The following NPC1 variants were observed in gnomAD, a reference collection of about 807,000 sequenced individuals.
NPC1 encodes the protein Niemann-Pick C1 protein.
In NPC1, 85 loss-of-function variants were observed where a neutral mutation model predicts 140.4. The ratio of observed to expected loss-of-function variants is 0.61; its 90% CI spans 0.51 to 0.72. The LOEUF (loss-of-function observed/expected upper bound fraction) is 0.72, where lower values mean the gene tolerates loss of function less well. NPC1 is among the 30% of genes least tolerant of loss of function. The probability of loss-of-function intolerance (pLI) is 0.00; values close to 1 mark genes in which losing one functional copy is unlikely to be tolerated. For synonymous variants in NPC1, 656 were observed against 624.8 expected (o/e 1.05, Z -0.74); for missense variants, 1,504 against 1,623.8 (o/e 0.93, Z 1.27).
At chr18:23,565,577 A>G (rs1282183579) in intron 4 of NPC1, among the ~76,000 whole-genome samples, 1 of 152,062 alleles carries the variant, frequency 6.6e-6, no homozygotes, top group Non-Finnish European at 1.5e-5. Context: ...GATGATCTCA[A>G]TCTCTTGACC....
chr18:23,574,925 A>G (rs1242882439), intron 1 of NPC1, among the ~76,000 whole-genome samples: 5 of 152,236 alleles, frequency 3.3e-5, no homozygotes, highest in Middle Eastern at 3.2e-3. Context: ...CTGGGTTTCC[A>G]ACTAATGGAA....
chr18:23,539,467 G>C lies in NPC1; in HGVS notation c.2799C>G (p.Thr933=). ...IFNAAQLDNY[T]RIGFAPSSWI... ...AGGACGAGGGGGCGAAGCCTATTCG[G>C]GTACTAGAGAGGACAGACAGGGTTA... The change falls in exon 19 of 25, where the codon ACC becomes ACG. Residue 933 remains threonine (T), a synonymous_variant. Transcript: ENST00000269228. 1 of 1,609,552 alleles carries C rather than the reference G, an allele frequency of 6.2e-7. No homozygotes were observed. The highest frequency in any genetic ancestry group is 2.2e-5 in the East Asian group (1 of 44,860).
At position 23,560,369 on chromosome 18, in the gene NPC1, C is replaced by A. The variant is rs1230538609; in HGVS notation, c.743G>T (p.Gly248Val). Residue 248 changes from glycine (G) to valine (V), a missense_variant, in exon 6 of 25, where the codon GGC becomes GTC. Gly to Val is a moderately radical substitution (Grantham distance 109). Transcript: ENST00000269228. ...AGGAGGTGGGGGCTGGGGCTTGGGG[C>A]CACAGACAATAGAGCAGTCTTGGCA... ...CSCQDCSIVC[G>V]PKPQPPPPPA... 9.9e-6 allele frequency: 16 copies of A among 1,614,052 alleles called. No homozygotes were observed. Among genetic ancestry groups the A allele is most frequent in the Non-Finnish European group, 1.2e-5 (14 of 1,180,040 alleles).
At chr18:23,537,535 C>T (rs2058649801) in intron 20 of NPC1, among the ~76,000 whole-genome samples, 1 of 152,196 alleles carries the variant, frequency 6.6e-6, no homozygotes, top group Non-Finnish European at 1.5e-5. Flanking sequence ...AGCCCTGCCA[C>T]TTACTGGTCA....
At chr18:23,573,408 T>C (rs760118197) in intron 2 of NPC1, 44 bp downstream of exon 2, 7 of 1,613,436 alleles carry the variant, frequency 4.3e-6, no homozygotes, top group Non-Finnish European at 5.9e-6. Context: ...GAGGATCTTG[T>C]GATCAGCATT....
Position 23,532,260 on chromosome 18 carries a change from C to T in NPC1, c.3779G>A (p.Ser1260Asn). ...YIGPSVNKAK[S>N]CATEERYKGT... ...TTTGTATCGCTCTTCAGTGGCACAA[C>T]TTTTGGCTTTATTTACTGATGGCCC... The change falls in exon 25 of 25, where the codon AGT becomes AAT. Residue 1260 changes from serine to asparagine, a missense_variant. Ser to Asn is a conservative substitution (Grantham distance 46). Transcript: ENST00000269228. The T allele has an allele frequency of 6.2e-7, 1 of 1,614,134 alleles. No individual in the cohort carries two copies. Among genetic ancestry groups the T allele is most frequent in the African/African-American group, 1.3e-5 (1 of 75,028 alleles).
intron 11 of NPC1, among the ~76,000 whole-genome samples, chr18:23,545,673 C>T (rs2058779802): frequency 6.6e-6 from 1 of 152,208 alleles, no homozygotes; most frequent in African/African-American, 2.4e-5. Context: ...CTCACTGCAG[C>T]CTCGAACTCC....
intron 23 of NPC1, chr18:23,533,965 C>G (rs1057148761): frequency 1.6e-5 from 5 of 313,938 alleles, no homozygotes; most frequent in African/African-American, 1.1e-4. Context: ...ATCGTGTCTC[C>G]CAATTGATTA....
intron 11 of NPC1, among the ~76,000 whole-genome samples, chr18:23,546,220 G>C (rs989385022): frequency 4.4e-5 from 5 of 114,016 alleles, no homozygotes; most frequent in Non-Finnish European, 6.5e-5. Context: ...CTGCACTCCA[G>C]CCTGGATGAC....
intron 7 of NPC1, 131 bp from the exon 8 acceptor site, chr18:23,556,744 C>CAGG: frequency 1.4e-6 from 2 of 1,391,004 alleles, no homozygotes; most frequent in Non-Finnish European, 2.0e-6. Context: ...TATGAGACCC[C>CAGG]TGCCCTCAGC....
intron 9 of NPC1, among the ~76,000 whole-genome samples, chr18:23,553,936 C>T (rs2058911641): frequency 1.3e-5 from 2 of 152,322 alleles, no homozygotes; most frequent in South Asian, 4.1e-4. Context: ...TGGGGCACTA[C>T]AGGGGACTGG....
intron 10 of NPC1, among the ~76,000 whole-genome samples, chr18:23,550,479 C>CTTCTTTTTTTTTTTT (rs746388624): frequency 3.6e-4 from 27 of 74,922 alleles, no homozygotes; most frequent in African/African-American, 1.7e-3. Flanking sequence ...TCTTACATTT[C>CTTCTTTTTTTTTTTT]TTTTTTTTTT....
chr18:23,573,521 G>A lies in NPC1; in HGVS notation c.111C>T (p.Asp37=), dbSNP rs1375829962. The part of the protein sequence containing the change: ...WYGECGIAYG[D]KRYNCEYSGP... Reference sequence around the variant, plus strand: ...CAGAATATTCGCAATTGTACCTCTTGTCCCCATATGCAATTCCACACTCTC... The same window carrying A: ...CAGAATATTCGCAATTGTACCTCTTATCCCCATATGCAATTCCACACTCTC... Residue 37 remains aspartate (D), a synonymous_variant, in exon 2 of 25, where the codon GAC becomes GAT. Coordinates refer to ENST00000269228, the MANE Select transcript of NPC1 (RefSeq NM_000271.5). 5.6e-6 allele frequency: 9 copies of A among 1,614,066 alleles called. No homozygotes were observed. In the South Asian group the frequency reaches 7.7e-5, roughly 14 times the overall value.
At position 23,544,628 on chromosome 18, in the gene NPC1, C is replaced by T; in HGVS notation, c.1948-102G>A. ...TTTACTTTACAGGGCTGTATTAAAC[C>T]TAGAGTTGAATGTACAATTCTGTGT... On this transcript the variant is annotated intron_variant, in intron 12 of 24. Transcript: ENST00000269228. 3 of 1,057,918 alleles carry T rather than the reference C, an allele frequency of 2.8e-6. No homozygotes were observed. The South Asian group carries it at 4.0e-5, about 14-fold the overall frequency. 65.5% of individuals were successfully genotyped at this position (1,057,918 alleles called of 1,614,324 possible).
chr18:23,535,735 C>CT, intron 21 of NPC1, 35 bp from the exon 22 acceptor site: 1 of 1,380,132 alleles, frequency 7.2e-7, no homozygotes. Flanking sequence ...TTAAAGCTCG[C>CT]TCTCACTCCC....
intron 10 of NPC1, among the ~76,000 whole-genome samples, chr18:23,548,796 G>A (rs2058826509): frequency 6.6e-6 from 1 of 151,706 alleles, no homozygotes; most frequent in South Asian, 2.1e-4. Flanking sequence ...TTTTGGGGTG[G>A]GGGCCTGACA....
At chr18:23,553,660 G>A (rs2058906935) in intron 9 of NPC1, among the ~76,000 whole-genome samples, 1 of 152,186 alleles carries the variant, frequency 6.6e-6, no homozygotes, top group African/African-American at 2.4e-5. Flanking sequence ...CTGAACAAAT[G>A]TCCCTAGGCC....
Position 23,568,937 on chromosome 18 carries a change from G to A in NPC1, c.349C>T (p.Gln117Ter), listed in dbSNP as rs2145527075. ...LFCELTCSPRQSQFLNVTATE... is the reference protein window; with the variant it reads ...LFCELTCSPR ...GCTGTAACATTCAAAAACTGACTCT[G>A]TCGAGGGCTACATGTCAGCTCACAA... is the stretch of plus-strand genomic sequence containing the variant. The change falls in exon 4 of 25, where the codon CAG becomes TAG. Residue 117 changes from glutamine (Q) to a stop codon, truncating the protein, a stop_gained. Coordinates refer to ENST00000269228, the MANE Select transcript of NPC1 (RefSeq NM_000271.5). LOFTEE classifies it high-confidence loss of function. The A allele has an allele frequency of 6.2e-7, 1 of 1,613,914 alleles. No individual in the cohort carries two copies. The highest frequency in any genetic ancestry group is 8.5e-7 in the Non-Finnish European group (1 of 1,179,810).
In NPC1 at chr18:23,533,858, G is replaced by C. The variant is rs1400631295; in HGVS notation, c.3592-341C>G. 8.0e-6 allele frequency: 3 copies of C among 374,816 alleles called. No homozygotes were observed. In the Admixed American group the frequency reaches 1.2e-4, roughly 15 times the overall value. The allele number at this position is 374,816 out of a possible 1,614,324, so 23.2% of individuals were successfully genotyped here. On this transcript the variant is annotated intron_variant, in intron 23 of 24. Coordinates refer to ENST00000269228, the MANE Select transcript of NPC1 (RefSeq NM_000271.5). Reference sequence around the variant, plus strand: ...TTCAAAGCAATGGGAACTGAACCCAGGTAGCATCATCTACTACCTAACACT... The same window carrying C: ...TTCAAAGCAATGGGAACTGAACCCACGTAGCATCATCTACTACCTAACACT...
Sources: gnomAD v4.1 joint callset for allele counts (sites outside exome capture counted in the v4.1 genomes callset) on GRCh38, gnomAD v4.1.1 for gene constraint, MANE v1.5 for transcripts, NCBI Gene and HGNC (gene_info 2026-07-23, HGNC 2026-07-21) for gene names.